The following PTPRM variants were observed in gnomAD, a reference collection of about 807,000 sequenced individuals.
PTPRM encodes the protein protein tyrosine phosphatase receptor type M.
PTPRM carries 47 observed loss-of-function variants against 186.7 expected under a neutral mutation model. That is an observed-to-expected ratio of 0.25 (90% CI 0.20 to 0.32). PTPRM has a LOEUF of 0.32. Ranked by LOEUF, PTPRM falls within the 10% of genes least tolerant of loss-of-function variation. PTPRM has a pLI of 1.00. For missense variants in PTPRM, 1,494 were observed against 1,865.0 expected (o/e 0.80, Z 3.66); for synonymous variants, 668 against 674.9 (o/e 0.99, Z 0.16).
At chr18:7,983,929 A>AT (rs1189606526) in intron 7 of PTPRM, among the ~76,000 whole-genome samples, 9 of 152,162 alleles carry the variant, frequency 5.9e-5, no homozygotes, top group African/African-American at 2.2e-4. Flanking sequence ...GACATTTGAG[A>AT]TTTTCATCCA....
chr18:8,003,878 G>A (rs1168855511), intron 7 of PTPRM, among the ~76,000 whole-genome samples: 1 of 152,196 alleles, frequency 6.6e-6, no homozygotes, highest in Non-Finnish European at 1.5e-5. Flanking sequence ...GAAACTTAGG[G>A]AAGAAGGAAG....
chr18:7,887,811 T>C (rs1406809804), intron 2 of PTPRM, among the ~76,000 whole-genome samples: 2 of 152,200 alleles, frequency 1.3e-5, no homozygotes, highest in South Asian at 4.1e-4. Flanking sequence ...GACTCCTGAC[T>C]GCTAGACCTA....
chr18:7,819,505 T>A (rs970550711), intron 2 of PTPRM, among the ~76,000 whole-genome samples: 1 of 152,006 alleles, frequency 6.6e-6, no homozygotes, highest in Non-Finnish European at 1.5e-5. Flanking sequence ...ACTAAGTGGC[T>A]CAACTCTAGG....
At chr18:7,570,930 C>T (rs1397956257) in intron 1 of PTPRM, among the ~76,000 whole-genome samples, 2 of 119,000 alleles carry the variant, frequency 1.7e-5, no homozygotes, top group Non-Finnish European at 3.3e-5. Flanking sequence ...GATTTCATTA[C>T]AAAATTGTGG....
intron 2 of PTPRM, among the ~76,000 whole-genome samples, chr18:7,783,109 A>G (rs1029874121): frequency 6.6e-6 from 1 of 152,238 alleles, no homozygotes; most frequent in South Asian, 2.1e-4. Flanking sequence ...GGAGCCAAGT[A>G]ATGGAATAAA....
At chr18:7,674,454 G>A (rs763860533) in intron 1 of PTPRM, among the ~76,000 whole-genome samples, 9 of 152,160 alleles carry the variant, frequency 5.9e-5, no homozygotes, top group Non-Finnish European at 1.2e-4. Flanking sequence ...GGCTGGTGGT[G>A]TGATGGGGAA....
At position 7,999,990 on chromosome 18, in the gene PTPRM, G is replaced by A. The variant is rs565052914; in HGVS notation, c.1132+44576G>A. Among the ~76,000 whole-genome samples, 7 of 152,224 alleles carry A rather than the reference G, an allele frequency of 4.6e-5. No homozygotes were observed. The South Asian group carries it at 6.2e-4, about 14-fold the overall frequency. The stretch of plus-strand genomic sequence containing the variant: ...ATTTCAGTTCATGTCTGAAGGCCAG[G>A]AAAACAAAAAGAAAAACAAAAAACA... On this transcript the variant is annotated intron_variant, in intron 7 of 32. Transcript: ENST00000580170.
intron 19 of PTPRM, among the ~76,000 whole-genome samples, chr18:8,271,543 A>G (rs985637651): frequency 2.6e-4 from 40 of 152,008 alleles, no homozygotes; most frequent in Admixed American, 2.6e-3. Flanking sequence ...GTGGAATCAC[A>G]TTCTGTATTT....
intron 4 of PTPRM, among the ~76,000 whole-genome samples, chr18:7,911,290 A>C (rs1373817520): frequency 6.6e-6 from 1 of 152,256 alleles, no homozygotes; most frequent in African/African-American, 2.4e-5. Flanking sequence ...TTAGGAGCAG[A>C]ATTGCTGGGT....
At chr18:7,767,680 C>T (rs2042076932) in intron 1 of PTPRM, among the ~76,000 whole-genome samples, 1 of 151,988 alleles carries the variant, frequency 6.6e-6, no homozygotes, top group South Asian at 2.1e-4. Flanking sequence ...TGACCTTTAT[C>T]AACAACTAGC....
At chr18:7,797,636 G>A (rs1429826203) in intron 2 of PTPRM, among the ~76,000 whole-genome samples, 1 of 152,164 alleles carries the variant, frequency 6.6e-6, no homozygotes, top group African/African-American at 2.4e-5. Context: ...ACTCAATTGA[G>A]CATAATCCTC....
chr18:8,383,655 C>T (rs1273646102), intron 29 of PTPRM, among the ~76,000 whole-genome samples: 1 of 152,192 alleles, frequency 6.6e-6, no homozygotes, highest in Non-Finnish European at 1.5e-5. Context: ...AATTAGGCCA[C>T]TTCCAGGCAG....
Position 8,379,293 on chromosome 18 carries a change from A to G in PTPRM, c.3739A>G (p.Thr1247Ala). 2.5e-6 allele frequency: 4 copies of G among 1,613,686 alleles called. No individual in the cohort carries two copies. The highest frequency in any genetic ancestry group is 3.4e-6 in the Non-Finnish European group (4 of 1,179,896). The part of the protein sequence containing the change: ...PPDRCLPFLI[T>A]IDGESSNYIN... ...AGACCGCTGCCTGCCCTTCCTCATC[A>G]CCATCGATGGGGAGAGCAGCAACTA... is the stretch of plus-strand genomic sequence containing the variant. Residue 1247 changes from threonine to alanine, a missense_variant, in exon 28 of 33, where the codon ACC becomes GCC. Physicochemically the swap from Thr to Ala is moderately conservative, Grantham distance 58. This residue lies in a region of PTPRM where 1,107 missense variants were observed against 1,350.2 expected (regional missense o/e 0.82). Coordinates refer to ENST00000580170, the MANE Select transcript of PTPRM (RefSeq NM_001105244.2).
intron 6 of PTPRM, among the ~76,000 whole-genome samples, chr18:7,950,043 C>T (rs2052833017): frequency 6.6e-6 from 1 of 151,900 alleles, no homozygotes; most frequent in African/African-American, 2.4e-5. Flanking sequence ...TTTTAGACAA[C>T]CTGTGGCAAG....
At chr18:7,705,304 TA>T in intron 1 of PTPRM, among the ~76,000 whole-genome samples, 2 of 151,834 alleles carry the variant, frequency 1.3e-5, no homozygotes, top group African/African-American at 4.8e-5. Flanking sequence ...TCTATCTATC[TA>T]TCTATCTATC....
At chr18:7,877,822 A>T (rs929879795) in intron 2 of PTPRM, among the ~76,000 whole-genome samples, 3 of 152,084 alleles carry the variant, frequency 2.0e-5, no homozygotes, top group Non-Finnish European at 4.4e-5. Context: ...TTTGTTTTTG[A>T]GTTTATGGAC....
chr18:7,797,325 C>G (rs1301359395), intron 2 of PTPRM, among the ~76,000 whole-genome samples: 2 of 152,180 alleles, frequency 1.3e-5, no homozygotes, highest in Non-Finnish European at 2.9e-5. Flanking sequence ...GCTGTTTGTC[C>G]TTTGTGCTCC....
chr18:8,008,398 C>CT (rs1158305507), intron 7 of PTPRM, among the ~76,000 whole-genome samples: 1 of 152,182 alleles, frequency 6.6e-6, no homozygotes, highest in African/African-American at 2.4e-5. Context: ...GCTTAAAAAT[C>CT]TTAACAGAAA....
intron 2 of PTPRM, among the ~76,000 whole-genome samples, chr18:7,845,730 A>G (rs1305618127): frequency 6.6e-6 from 1 of 151,872 alleles, no homozygotes; most frequent in Non-Finnish European, 1.5e-5. Context: ...AGACTTCCTT[A>G]TCTTTCTTTC....
Sources: allele counts gnomAD v4.1 joint callset (sites outside exome capture counted in the v4.1 genomes callset), GRCh38; gene constraint gnomAD v4.1.1; regional missense constraint gnomAD v4.1.1; transcripts MANE v1.5; gene names NCBI Gene and HGNC (gene_info 2026-07-23, HGNC 2026-07-21).